Variants in KDM2B observed in about 807,000 individuals in gnomAD.
The protein encoded by KDM2B is lysine demethylase 2B.
Under a neutral mutation model 150.0 loss-of-function variants are expected in KDM2B, and 26 were observed. That is an observed-to-expected ratio of 0.17 (90% CI 0.13 to 0.24). The LOEUF (loss-of-function observed/expected upper bound fraction) is 0.24, where lower values mean the gene tolerates loss of function less well. KDM2B is among the 10% of genes least tolerant of loss of function. The probability of loss-of-function intolerance (pLI) is 1.00; values close to 1 mark genes in which losing one functional copy is unlikely to be tolerated. For missense variants in KDM2B, 1,265 were observed against 1,816.9 expected (o/e 0.70, Z 5.52); for synonymous variants, 734 against 729.5 (o/e 1.01, Z -0.10).
At chr12:121,528,575 TAATA>T (rs56986386) in intron 8 of KDM2B, among the ~76,000 whole-genome samples, 66,719 of 148,774 alleles carry the variant, frequency 0.45, 17,594 homozygotes, top group Non-Finnish European at 0.58. Flanking sequence ...AATGAAAAAA[TAATA>T]AATAAATAAA....
intron 11 of KDM2B, among the ~76,000 whole-genome samples, chr12:121,498,632 C>T (rs962729738): frequency 1.2e-4 from 19 of 152,212 alleles, no homozygotes; most frequent in Non-Finnish European, 2.6e-4. Context: ...TGCCCACCCC[C>T]CTTTGTTTTC....
chr12:121,529,766 C>T (rs1405868755), intron 8 of KDM2B, among the ~76,000 whole-genome samples: 2 of 151,640 alleles, frequency 1.3e-5, no homozygotes, highest in Non-Finnish European at 2.9e-5. Context: ...CCCGTTGCTA[C>T]TAAAAATACA....
At chr12:121,470,299 G>C (rs1880633385) in intron 12 of KDM2B, 1 of 152,152 alleles carries the variant, frequency 6.6e-6, no homozygotes, top group East Asian at 1.9e-4. Context: ...AAGGAAAAGT[G>C]CGGACAAACA....
chr12:121,558,523 G>A (rs969243210), intron 4 of KDM2B, among the ~76,000 whole-genome samples: 2 of 148,524 alleles, frequency 1.3e-5, no homozygotes, highest in Non-Finnish European at 3.0e-5. Flanking sequence ...GTGCGATCTC[G>A]GCTCACTGCA....
intron 11 of KDM2B, among the ~76,000 whole-genome samples, chr12:121,506,863 G>GT (rs1885119310): frequency 6.6e-6 from 1 of 152,082 alleles, no homozygotes; most frequent in African/African-American, 2.4e-5. Flanking sequence ...TTGAACCCCA[G>GT]AGGTGGAGGT....
At chr12:121,532,690 G>A in intron 8 of KDM2B, 116 bp downstream of exon 8, 1 of 1,072,650 alleles carries the variant, frequency 9.3e-7, no homozygotes, top group Non-Finnish European at 1.4e-6. Flanking sequence ...CTCCCCTCGG[G>A]GACTGCCAAT....
At chr12:121,490,908 C>A (rs781783077) in intron 12 of KDM2B, among the ~76,000 whole-genome samples, 1 of 152,088 alleles carries the variant, frequency 6.6e-6, no homozygotes, top group Non-Finnish European at 1.5e-5. Flanking sequence ...TTAGGTAACC[C>A]GACCCAGATC....
intron 22 of KDM2B, among the ~76,000 whole-genome samples, chr12:121,438,582 G>A (rs10444490): frequency 4.7e-4 from 71 of 151,962 alleles, no homozygotes; most frequent in East Asian, 2.5e-3. Flanking sequence ...GGTTCTTTGC[G>A]TCCACGAGGT....
At chr12:121,565,580 G>A (rs1350805018) in intron 4 of KDM2B, among the ~76,000 whole-genome samples, 2 of 152,092 alleles carry the variant, frequency 1.3e-5, no homozygotes, top group African/African-American at 4.8e-5. Context: ...GCCTCCCAAA[G>A]TGCTAGAATT....
intron 4 of KDM2B, among the ~76,000 whole-genome samples, chr12:121,556,100 G>T (rs1453391839): frequency 6.6e-6 from 1 of 151,714 alleles, no homozygotes; most frequent in Admixed American, 6.6e-5. Flanking sequence ...CTAATTTTTT[G>T]TATTTTAGTA....
intron 12 of KDM2B, among the ~76,000 whole-genome samples, chr12:121,455,943 A>T (rs774606194): frequency 1.1e-4 from 17 of 152,232 alleles, no homozygotes; most frequent in Non-Finnish European, 2.2e-4. Context: ...CAGCCAACAG[A>T]GCAGCCAAGG....
At chr12:121,501,006 CAGG>C (rs1284969171) in intron 11 of KDM2B, among the ~76,000 whole-genome samples, 15 of 152,290 alleles carry the variant, frequency 9.8e-5, no homozygotes, top group African/African-American at 3.1e-4. Flanking sequence ...GAGGATGAGG[CAGG>C]AGAATTGCTG....
At chr12:121,494,873 T>C (rs1050731787) in intron 11 of KDM2B, among the ~76,000 whole-genome samples, 2 of 152,164 alleles carry the variant, frequency 1.3e-5, no homozygotes, top group Non-Finnish European at 2.9e-5. Context: ...CTCTGCCCTC[T>C]ACAAAATTTC....
intron 22 of KDM2B, among the ~76,000 whole-genome samples, chr12:121,436,034 C>T (rs1286352475): frequency 6.6e-6 from 1 of 152,200 alleles, no homozygotes; most frequent in Non-Finnish European, 1.5e-5. Flanking sequence ...AACAATCATT[C>T]ATATCCTCAG....
At chr12:121,410,864 G>A in the KDM2B span, among the ~76,000 whole-genome samples, 1 of 152,158 alleles carries the variant, frequency 6.6e-6, no homozygotes, top group African/African-American at 2.4e-5. Flanking sequence ...GTTAATATGT[G>A]TCTGAGTTGT....
Position 121,575,787 on chromosome 12 carries a change from C to T in KDM2B, c.344G>A (p.Gly115Glu), listed in dbSNP as rs782614277. ...ATTAGTTTCAGCAACTTACTTAATT[C>T]CCAGTCCATCCTTTTCTCGAAATAT... is the stretch of plus-strand genomic sequence containing the variant. ...PLIFREKDGL[G>E]IKMPDPDFTV... is the part of the protein sequence containing the mutation. The change falls in exon 3 of 23, where the codon GGA becomes GAA. Residue 115 changes from glycine to glutamate, a missense_variant. Physicochemically the swap from Gly to Glu is moderately conservative, Grantham distance 98. Coordinates refer to ENST00000377071, the MANE Select transcript of KDM2B (RefSeq NM_032590.5). This position sits in a 1 kb window ranked among gnomAD's most constrained non-coding sequence, Gnocchi z 4.4. 1 of 1,609,792 alleles carries T rather than the reference C, an allele frequency of 6.2e-7. No individual in the cohort carries two copies. Among genetic ancestry groups the T allele is most frequent in the Non-Finnish European group, 8.5e-7 (1 of 1,176,020 alleles).
rs781965790 is a variant in KDM2B, at chr12:121,430,431, TGAA to T, written c.3865_3867del (p.Phe1289del). The stretch of plus-strand genomic sequence containing the variant: ...ATATGACAGATGTTTCCACAGCGTT[TGAA>T]GAAGGACAGGCACTGATCAGTGACC... On this transcript the variant is annotated inframe_deletion, in exon 23 of 23. Transcript: ENST00000377071. This position sits in a 1 kb window ranked among gnomAD's most constrained non-coding sequence, Gnocchi z 4.4. 1 of 1,614,118 alleles carries T rather than the reference TGAA, an allele frequency of 6.2e-7. No individual in the cohort carries two copies. Among genetic ancestry groups the T allele is most frequent in the South Asian group, 1.1e-5 (1 of 91,080 alleles).
chr12:121,453,049 A>G lies in KDM2B; in HGVS notation c.1959+71T>C, dbSNP rs1566282183. 2 of 1,315,074 alleles carry G rather than the reference A, an allele frequency of 1.5e-6. No homozygotes were observed. The highest frequency in any genetic ancestry group is 2.5e-5 in the East Asian group (1 of 39,660). 81.5% of individuals were successfully genotyped at this position (1,315,074 alleles called of 1,614,324 possible). On this transcript the variant is annotated intron_variant, in intron 13 of 22. Transcript: ENST00000377071. This position sits in a 1 kb window ranked among gnomAD's most constrained non-coding sequence, Gnocchi z 6.4. ...GTGCGGAGGGGCGGCCAGAGCGAGCAGCGGTCAGACACGCGGGCCGGCACG... is the reference window on the plus strand; with the variant it reads ...GTGCGGAGGGGCGGCCAGAGCGAGCGGCGGTCAGACACGCGGGCCGGCACG...
rs34790484 is a variant in KDM2B at position 121,515,502 on chromosome 12, CT to C, written c.1048-2101del. ...ACCCCCAACCACACTCTGCCACCCC[CT>C]AATCACACTCTCCCACCCTCCCCGA... is the stretch of plus-strand genomic sequence containing the variant. On this transcript the variant is annotated intron_variant, in intron 9 of 22. Transcript: ENST00000377071. Among the ~76,000 whole-genome samples the C allele has an allele frequency of 4.1e-3, 360 of 88,310 alleles. 9 individuals carry two copies. The highest frequency in any genetic ancestry group is 0.019 in the African/African-American group (343 of 18,384). 57.9% of individuals were successfully genotyped at this position (88,310 alleles called of 152,430 possible).
Sources: allele counts gnomAD v4.1 joint callset (sites outside exome capture counted in the v4.1 genomes callset), GRCh38; gene constraint gnomAD v4.1.1; non-coding constraint Gnocchi (gnomAD v3.1); transcripts MANE v1.5; gene names NCBI Gene and HGNC (gene_info 2026-07-23, HGNC 2026-07-21).